The following LOXHD1 variants were observed in gnomAD, a reference collection of about 807,000 sequenced individuals.
LOXHD1 encodes lipoxygenase homology PLAT domains 1, also known as lipoxygenase homology domain-containing protein 1.
Under a neutral mutation model 248.2 loss-of-function variants are expected in LOXHD1, and 205 were observed. The ratio of observed to expected loss-of-function variants is 0.83; its 90% CI spans 0.74 to 0.93. The LOEUF is 0.93. LOXHD1 is among the 40% of genes least tolerant of loss of function. The pLI is 0.00. For missense variants in LOXHD1, 2,930 were observed against 2,971.6 expected (o/e 0.99, Z 0.33); for synonymous variants, 1,113 against 1,162.8 (o/e 0.96, Z 0.87).
At chr18:46,538,420 A>T in intron 25 of LOXHD1, 83 bp from the exon 26 acceptor site, 1 of 1,357,550 alleles carries the variant, frequency 7.4e-7, no homozygotes, top group Non-Finnish European at 1.0e-6. Flanking sequence ...CTTCACCAGC[A>T]CAACCAGCCC....
At position 46,524,502 on chromosome 18, in the gene LOXHD1, T is replaced by TCACTGTGC. The variant is rs1295931706; in HGVS notation, c.4832_4839dup (p.Thr1614AlafsTer3). The stretch of plus-strand genomic sequence containing the variant: ...TGAACGTAGTCAGCCATGGGCCCGG[T>TCACTGTGC]CACTGTGCTGATGTCGACATCGGCC... On this transcript the variant is annotated frameshift_variant, in exon 31 of 41. Coordinates refer to ENST00000642948, the MANE Select transcript of LOXHD1 (RefSeq NM_001384474.1). LOFTEE classifies it high-confidence loss of function. 12 of 1,551,698 alleles carry TCACTGTGC rather than the reference T, an allele frequency of 7.7e-6. No individual in the cohort carries two copies. Among genetic ancestry groups the TCACTGTGC allele is most frequent in the Non-Finnish European group, 9.6e-6 (11 of 1,146,978 alleles).
rs1255705745 is a variant in LOXHD1, at chr18:46,579,614, C to T, written c.1809+16G>A. On this transcript the variant is annotated intron_variant, in intron 13 of 40. Transcript: ENST00000642948. ...TGGGAGGAAGGGGATGAGTGGGGCA[C>T]ATTGCTGTAACTTACATTGCCCTTT... The T allele has an allele frequency of 1.3e-6, 2 of 1,551,560 alleles. No individual in the cohort carries two copies. The highest frequency in any genetic ancestry group is 2.7e-5 in the African/African-American group (2 of 73,038).
chr18:46,562,195 G>C (rs2037544010), intron 18 of LOXHD1, among the ~76,000 whole-genome samples: 1 of 152,156 alleles, frequency 6.6e-6, no homozygotes. Context: ...GCTCAATGAG[G>C]CTCCTTCCAG....
At position 46,483,658 on chromosome 18, in the gene LOXHD1, C is replaced by G; in HGVS notation, c.6270G>C (p.Arg2090=). Reference sequence around the variant, plus strand: ...AGGCAAGTTCTCTCTTGGGGATAAACCGGTCTTCCCTGGCAAGGTGGCCCA... The same window carrying G: ...AGGCAAGTTCTCTCTTGGGGATAAAGCGGTCTTCCCTGGCAAGGTGGCCCA... ...LCVGHLARED[R]FIPKRELAWH... Residue 2090 remains arginine (R), a synonymous_variant, in exon 40 of 41, where the codon CGG becomes CGC. Transcript: ENST00000642948. 1.9e-6 allele frequency: 3 copies of G among 1,551,658 alleles called. No individual in the cohort carries two copies. Among genetic ancestry groups the G allele is most frequent in the African/African-American group, 2.7e-5 (2 of 73,116 alleles).
intron 12 of LOXHD1, among the ~76,000 whole-genome samples, chr18:46,587,606 C>G (rs560778639): frequency 1.6e-4 from 25 of 152,256 alleles, no homozygotes; most frequent in African/African-American, 5.1e-4. Flanking sequence ...TGTTAGATAC[C>G]AGTAGTGAAA....
chr18:46,596,157 A>G (rs1415991161), intron 8 of LOXHD1, among the ~76,000 whole-genome samples: 1 of 152,104 alleles, frequency 6.6e-6, no homozygotes, highest in East Asian at 1.9e-4. Flanking sequence ...CTATTTTGTC[A>G]TTATCTTTAA....
intron 7 of LOXHD1, among the ~76,000 whole-genome samples, chr18:46,602,931 A>G (rs979904302): frequency 6.6e-6 from 1 of 152,182 alleles, no homozygotes; most frequent in Admixed American, 6.5e-5. Context: ...GACATATAAT[A>G]TTCACATATT....
chr18:46,616,360 C>T lies in LOXHD1; in HGVS notation c.610+1832G>A, dbSNP rs932968310. 2.6e-5 allele frequency among the ~76,000 whole-genome samples: 4 copies of T among 152,262 alleles called. No homozygotes were observed. In the South Asian group the frequency reaches 8.3e-4, roughly 31 times the overall value. On this transcript the variant is annotated intron_variant, in intron 5 of 40. Coordinates refer to ENST00000642948, the MANE Select transcript of LOXHD1 (RefSeq NM_001384474.1). ...TAAAATCTACAGTTAATCATTATCCCTACTCTCCTGGGAATGGGGAGATCA... is the reference window on the plus strand; with the variant it reads ...TAAAATCTACAGTTAATCATTATCCTTACTCTCCTGGGAATGGGGAGATCA...
In LOXHD1 at chr18:46,563,231, TG is replaced by T; in HGVS notation, c.2438-7del. 1 of 1,493,996 alleles carries T rather than the reference TG, an allele frequency of 6.7e-7. No homozygotes were observed. 92.5% of individuals were successfully genotyped at this position (1,493,996 alleles called of 1,614,324 possible). ...CTCAACCTCATAGTGGACCACTGGG[TG>T]GGCACGTGCAGAAGAAGTGGAACAT... On this transcript the variant is annotated splice_polypyrimidine_tract_variant and splice_region_variant and intron_variant, in intron 17 of 40. Transcript: ENST00000642948.
At chr18:46,537,939 G>C (rs995851029) in intron 26 of LOXHD1, among the ~76,000 whole-genome samples, 6 of 152,202 alleles carry the variant, frequency 3.9e-5, no homozygotes, top group African/African-American at 1.4e-4. Flanking sequence ...CATTGCCTTT[G>C]ATCCTGACAC....
At chr18:46,553,411 T>C (rs1444134921) in intron 21 of LOXHD1, among the ~76,000 whole-genome samples, 1 of 152,200 alleles carries the variant, frequency 6.6e-6, no homozygotes, top group Non-Finnish European at 1.5e-5. Context: ...GAGAAAGTAC[T>C]TAAACCTAAA....
intron 21 of LOXHD1, among the ~76,000 whole-genome samples, chr18:46,551,292 AC>A (rs1472123271): frequency 6.6e-6 from 1 of 151,888 alleles, no homozygotes; most frequent in African/African-American, 2.4e-5. Context: ...TTTAGTAGAT[AC>A]GGGGTTTCAC....
chr18:46,638,470 G>A (rs1222138482), intron 4 of LOXHD1, among the ~76,000 whole-genome samples: 1 of 151,926 alleles, frequency 6.6e-6, no homozygotes, highest in Non-Finnish European at 1.5e-5. Context: ...CGTCTCTACG[G>A]TAAATACAAA....
chr18:46,551,983 A>G (rs1199475927), intron 21 of LOXHD1, among the ~76,000 whole-genome samples: 2 of 152,236 alleles, frequency 1.3e-5, no homozygotes, highest in Non-Finnish European at 2.9e-5. Flanking sequence ...TTCCATTTCT[A>G]TGAGGTCCCT....
chr18:46,648,327 G>A (rs1568233917), intron 2 of LOXHD1, among the ~76,000 whole-genome samples: 1 of 152,236 alleles, frequency 6.6e-6, no homozygotes, highest in East Asian at 1.9e-4. Flanking sequence ...TTAAGGACGA[G>A]CTTCACCATT....
Position 46,604,228 on chromosome 18 carries a change from A to G in LOXHD1, c.761T>C (p.Ile254Thr). ...TTTGTTCCCAATATCTTCAATGACT[A>G]TCTGGGAAGGAGAAGAGGGGACAAG... ...GGSAGWFLSQ[I>T]VIEDIGNKRK... Residue 254 changes from isoleucine (I) to threonine (T), a missense_variant and splice_region_variant, in exon 7 of 41, where the codon ATA becomes ACA. By Grantham distance (89) the Ile-to-Thr change is moderately conservative. Coordinates refer to ENST00000642948, the MANE Select transcript of LOXHD1 (RefSeq NM_001384474.1). The G allele has an allele frequency of 6.4e-7, 1 of 1,551,678 alleles. No individual in the cohort carries two copies. The highest frequency in any genetic ancestry group is 8.7e-7 in the Non-Finnish European group (1 of 1,146,942).
rs1177479336 is a variant in LOXHD1, at chr18:46,579,696, C to T, written c.1743G>A (p.Val581=). The T allele has an allele frequency of 1.3e-6, 2 of 1,551,768 alleles. No homozygotes were observed. Among genetic ancestry groups the T allele is most frequent in the Middle Eastern group, 1.7e-4 (1 of 5,992 alleles). Residue 581 remains valine (V), a synonymous_variant, in exon 13 of 41, where the codon GTG becomes GTA. Coordinates refer to ENST00000642948, the MANE Select transcript of LOXHD1 (RefSeq NM_001384474.1). ...ANVYLCLFGD[V]GDTGERLLYN... ...AGAGCAGCCGTTCCCCCGTGTCCCC[C>T]ACATCACCAAAAAGGCAGAGATAGA...
chr18:46,498,770 A>G (rs2034035058), intron 37 of LOXHD1, among the ~76,000 whole-genome samples: 1 of 152,186 alleles, frequency 6.6e-6, no homozygotes, highest in South Asian at 2.1e-4. Context: ...ACTAAGTCTA[A>G]CTGCAAAGAT....
At chr18:46,484,471 G>A (rs1381124538) in intron 39 of LOXHD1, among the ~76,000 whole-genome samples, 24 of 152,106 alleles carry the variant, frequency 1.6e-4, no homozygotes, top group Admixed American at 1.5e-3. Context: ...TGAGAAGATG[G>A]CTATGAACCA....
Sources: allele counts gnomAD v4.1 joint callset (sites outside exome capture counted in the v4.1 genomes callset), GRCh38; gene constraint gnomAD v4.1.1; transcripts MANE v1.5; gene names NCBI Gene and HGNC (gene_info 2026-07-23, HGNC 2026-07-21).